The following OPCML variants were observed in gnomAD, a reference collection of about 807,000 sequenced individuals.
The protein encoded by OPCML is opioid binding protein/cell adhesion molecule like, also known as opioid-binding protein/cell adhesion molecule.
OPCML carries 13 observed loss-of-function variants against 37.8 expected under a neutral mutation model. The observed-to-expected ratio is 0.34, with a 90% confidence interval of 0.22 to 0.55. OPCML has a LOEUF of 0.55. Among genes scored for constraint, OPCML ranks in the 20% least tolerant of loss-of-function variants. The probability of loss-of-function intolerance (pLI) is 0.91; values close to 1 mark genes in which losing one functional copy is unlikely to be tolerated. For missense variants in OPCML, 341 were observed against 435.6 expected, an observed-to-expected ratio of 0.78 and a Z score of 1.93; for synonymous variants, 176 against 168.8, an observed-to-expected ratio of 1.04 and a Z score of -0.33.
chr11:133,110,263 TA>T (rs1949229872), intron 1 of OPCML, among the ~76,000 whole-genome samples: 1 of 152,178 alleles, frequency 6.6e-6, no homozygotes, highest in Non-Finnish European at 1.5e-5. Flanking sequence ...GTAACCACCT[TA>T]GAATAATAAG....
At chr11:133,246,463 G>T (rs185957736) in intron 1 of OPCML, among the ~76,000 whole-genome samples, 1 of 152,332 alleles carries the variant, frequency 6.6e-6, no homozygotes. Context: ...TGAAGCAAGA[G>T]CAGTTTTACA....
chr11:132,575,043 T>C (rs540362887), intron 3 of OPCML, among the ~76,000 whole-genome samples: 10 of 152,200 alleles, frequency 6.6e-5, no homozygotes, highest in African/African-American at 1.9e-4. Context: ...TAAGTTAAAG[T>C]CAGTGTTATC....
intron 4 of OPCML, among the ~76,000 whole-genome samples, chr11:132,522,968 C>A (rs917533857): frequency 6.6e-6 from 1 of 152,170 alleles, no homozygotes; most frequent in Non-Finnish European, 1.5e-5. Context: ...CAGAGTTTCG[C>A]TTTTATCACC....
intron 3 of OPCML, among the ~76,000 whole-genome samples, chr11:132,630,319 G>C (rs1236070962): frequency 6.6e-6 from 1 of 152,182 alleles, no homozygotes; most frequent in Admixed American, 6.5e-5. Context: ...CAGCACTTTG[G>C]GAGGCTGAGG....
At chr11:132,482,335 T>C (rs912186383) in intron 4 of OPCML, among the ~76,000 whole-genome samples, 1 of 151,852 alleles carries the variant, frequency 6.6e-6, no homozygotes, top group Non-Finnish European at 1.5e-5. Flanking sequence ...ATGGATAAAT[T>C]CCTTGACACA....
At chr11:133,249,141 G>A (rs181795506) in intron 1 of OPCML, among the ~76,000 whole-genome samples, 536 of 152,270 alleles carry the variant, frequency 3.5e-3, no homozygotes, top group Non-Finnish European at 5.6e-3. Flanking sequence ...TGAGACTGGG[G>A]GTAATTTATA....
intron 1 of OPCML, chr11:133,006,755 G>A (rs1947121137): frequency 1.0e-6 from 1 of 985,412 alleles, no homozygotes; most frequent in Non-Finnish European, 1.2e-6. Flanking sequence ...CCTAGACATT[G>A]GCCTGACAAC....
chr11:133,213,581 A>T (rs1157449038), intron 1 of OPCML, among the ~76,000 whole-genome samples: 3 of 152,186 alleles, frequency 2.0e-5, no homozygotes, highest in Non-Finnish European at 4.4e-5. Context: ...AAAATTTGAC[A>T]TTCTCATAGC....
intron 3 of OPCML, among the ~76,000 whole-genome samples, chr11:132,618,807 T>C (rs1040470782): frequency 2.0e-5 from 3 of 152,166 alleles, no homozygotes; most frequent in Non-Finnish European, 4.4e-5. Context: ...CAACCTCATT[T>C]AATGCACTTC....
chr11:132,985,155 T>TA (rs1304275952), intron 1 of OPCML, among the ~76,000 whole-genome samples: 1 of 152,224 alleles, frequency 6.6e-6, no homozygotes, highest in Non-Finnish European at 1.5e-5. Flanking sequence ...CTTATTGTTA[T>TA]ATAACAAATT....
intron 2 of OPCML, among the ~76,000 whole-genome samples, chr11:132,716,262 C>A (rs2135964377): frequency 6.6e-6 from 1 of 152,300 alleles, no homozygotes; most frequent in East Asian, 1.9e-4. Context: ...ATCCCAGAGG[C>A]TCAGAAGCGC....
rs148892423 is a variant in OPCML at position 133,043,618 on chromosome 11, C to G, written c.62-100608G>C. ...CGGGATTAGACAACACGCATCCTGA[C>G]AAACAGAATCAGCCCTTTCCCATGC... On this transcript the variant is annotated intron_variant, in intron 1 of 7. Coordinates refer to ENST00000524381, the MANE Select transcript of OPCML (RefSeq NM_001012393.5). 3.0e-3 allele frequency among the ~76,000 whole-genome samples: 456 copies of G among 152,294 alleles called. No homozygotes were observed. The Middle Eastern group carries it at 0.041, about 14-fold the overall frequency.
intron 2 of OPCML, among the ~76,000 whole-genome samples, chr11:132,854,498 C>T (rs527993420): frequency 3.6e-4 from 55 of 152,288 alleles, no homozygotes; most frequent in African/African-American, 1.3e-3. Context: ...AGTGGGTTCC[C>T]CTGGCAAGCA....
intron 1 of OPCML, among the ~76,000 whole-genome samples, chr11:133,039,969 C>A (rs916596308): frequency 1.3e-5 from 2 of 151,560 alleles, no homozygotes; most frequent in Non-Finnish European, 2.9e-5. Context: ...GCGGAGGTTG[C>A]AGTGAGCCAA....
chr11:132,767,740 T>G (rs1326470050), intron 2 of OPCML, among the ~76,000 whole-genome samples: 1 of 151,952 alleles, frequency 6.6e-6, no homozygotes, highest in Non-Finnish European at 1.5e-5. Flanking sequence ...ACAATCTGAG[T>G]GTAAAAAGAG....
chr11:132,846,993 A>T (rs563518256), intron 2 of OPCML, among the ~76,000 whole-genome samples: 1 of 152,352 alleles, frequency 6.6e-6, no homozygotes, highest in African/African-American at 2.4e-5. Context: ...GGTAGACTAC[A>T]TAAAGATGTT....
chr11:133,072,026 G>GATTC (rs1160012957), intron 1 of OPCML, among the ~76,000 whole-genome samples: 1 of 152,154 alleles, frequency 6.6e-6, no homozygotes, highest in Non-Finnish European at 1.5e-5. Flanking sequence ...GCTCCTAAGT[G>GATTC]ATTCCCAAAG....
At chr11:133,317,310 G>A (rs372728663) in intron 1 of OPCML, among the ~76,000 whole-genome samples, 6 of 152,180 alleles carry the variant, frequency 3.9e-5, no homozygotes, top group African/African-American at 1.4e-4. Context: ...CCTGAAACAT[G>A]CTATCAAACA....
intron 1 of OPCML, among the ~76,000 whole-genome samples, chr11:133,031,927 A>T (rs1170206201): frequency 1.3e-5 from 2 of 152,218 alleles, no homozygotes; most frequent in African/African-American, 4.8e-5. Context: ...CTTCTATGCC[A>T]AACACAGTGC....
Sources: gnomAD v4.1 joint callset for allele counts (sites outside exome capture counted in the v4.1 genomes callset) on GRCh38, gnomAD v4.1.1 for gene constraint, MANE v1.5 for transcripts, NCBI Gene and HGNC (gene_info 2026-07-23, HGNC 2026-07-21) for gene names.